TCF20: variants seen among roughly 807,000 people sequenced by gnomAD.
The protein encoded by TCF20 is transcription factor 20.
TCF20 carries 3 observed loss-of-function variants against 148.6 expected under a neutral mutation model. The ratio of observed to expected loss-of-function variants is 0.02; its 90% confidence interval spans 0.01 to 0.05. The LOEUF is 0.05. Ranked by LOEUF, TCF20 falls within the 10% of genes least tolerant of loss-of-function variation. TCF20 has a pLI of 1.00. For synonymous variants in TCF20, 1,049 were observed against 909.5 expected (o/e 1.15, Z -2.76); for missense variants, 2,350 against 2,429.3 (o/e 0.97, Z 0.69).
chr22:42,293,556 C>T (rs1158908064), intron 1 of TCF20, among the ~76,000 whole-genome samples: 1 of 152,188 alleles, frequency 6.6e-6, no homozygotes, highest in Admixed American at 6.5e-5. Flanking sequence ...CTCAGGTGTC[C>T]CTGCCTGACT....
chr22:42,235,410 C>T (rs184666419), intron 1 of TCF20, among the ~76,000 whole-genome samples: 1 of 152,282 alleles, frequency 6.6e-6, no homozygotes, highest in East Asian at 1.9e-4. Context: ...TCAACTGGTG[C>T]ACACCATCTC....
At chr22:42,233,261 A>G (rs1476674014) in intron 1 of TCF20, among the ~76,000 whole-genome samples, 1 of 152,102 alleles carries the variant, frequency 6.6e-6, no homozygotes, top group Admixed American at 6.6e-5. Flanking sequence ...TCTTAACTCT[A>G]TTATGCAGTA....
chr22:42,296,821 T>A (rs1307958102), intron 1 of TCF20, among the ~76,000 whole-genome samples: 1 of 152,222 alleles, frequency 6.6e-6, no homozygotes, highest in Non-Finnish European at 1.5e-5. Context: ...CGTCGCCATT[T>A]ATTCAGCTCA....
chr22:42,254,499 T>C (rs1925610417), intron 1 of TCF20, among the ~76,000 whole-genome samples: 1 of 152,170 alleles, frequency 6.6e-6, no homozygotes. Context: ...GTCCAGCCCT[T>C]GTAACAGTGT....
At position 42,169,867 on chromosome 22, in the gene TCF20, C is replaced by A; in HGVS notation, c.5779G>T (p.Val1927Leu). Residue 1927 changes from valine (V) to leucine (L), a missense_variant, in exon 4 of 6, where the codon GTG becomes TTG. Coordinates refer to ENST00000677622, the MANE Select transcript of TCF20 (RefSeq NM_001378418.1). ...DCLLHEENFS[V>L]RCPKHKPPLP... ...CTCACCTTGTGCTTAGGGCACCTCA[C>A]CGAGAAGTTCTCCTCATGTAGCAAA... The A allele has an allele frequency of 6.2e-7, 1 of 1,613,484 alleles. No homozygotes were observed. Among genetic ancestry groups the A allele is most frequent in the Non-Finnish European group, 8.5e-7 (1 of 1,180,014 alleles).
chr22:42,321,115 G>C (rs1357688462), intron 1 of TCF20, among the ~76,000 whole-genome samples: 1 of 152,276 alleles, frequency 6.6e-6, no homozygotes, highest in Non-Finnish European at 1.5e-5. Flanking sequence ...CAATTCAGGA[G>C]CAAGGGCTGG....
At chr22:42,183,811 C>T (rs1189303385) in intron 2 of TCF20, among the ~76,000 whole-genome samples, 6 of 148,030 alleles carry the variant, frequency 4.1e-5, no homozygotes, top group Admixed American at 1.4e-4. Context: ...TCGCTCTTGT[C>T]GCTCTGGAGT....
chr22:42,226,289 A>G (rs552893475), intron 1 of TCF20, among the ~76,000 whole-genome samples: 2 of 152,344 alleles, frequency 1.3e-5, no homozygotes, highest in Admixed American at 6.5e-5. Context: ...GTCATTGAAT[A>G]TATTTTTTCA....
chr22:42,162,228 C>T (rs963978805), intron 5 of TCF20, among the ~76,000 whole-genome samples: 3 of 152,068 alleles, frequency 2.0e-5, no homozygotes, highest in East Asian at 1.9e-4. Flanking sequence ...CTGCCCACCT[C>T]GGCCTCCCAA....
chr22:42,182,925 C>T lies in TCF20; in HGVS notation c.5656-3223G>A, dbSNP rs75302523. On this transcript the variant is annotated intron_variant, in intron 2 of 5. Transcript: ENST00000677622. Reference sequence around the variant, plus strand: ...CAACTTTTTGTTTTTTTACTAGAGACGGGGTTTCAACATGTTGGCCAGGCT... The same window carrying T: ...CAACTTTTTGTTTTTTTACTAGAGATGGGGTTTCAACATGTTGGCCAGGCT... 6.4e-3 allele frequency among the ~76,000 whole-genome samples: 970 copies of T among 152,238 alleles called. 15 individuals carry two copies. The highest frequency in any genetic ancestry group is 0.022 in the African/African-American group (928 of 41,542).
chr22:42,261,235 G>C (rs1926013339), intron 1 of TCF20, among the ~76,000 whole-genome samples: 1 of 151,724 alleles, frequency 6.6e-6, no homozygotes, highest in Non-Finnish European at 1.5e-5. Flanking sequence ...GTTATCTACT[G>C]TCTCGCTGAT....
chr22:42,248,772 A>G (rs556292754), intron 1 of TCF20, among the ~76,000 whole-genome samples: 8 of 152,358 alleles, frequency 5.3e-5, no homozygotes, highest in Admixed American at 2.0e-4. Context: ...TTGGTTGTAC[A>G]CAATAGTTAC....
At position 42,206,652 on chromosome 22, in the gene TCF20, G is replaced by A. The variant is rs144975479; in HGVS notation, c.5655+2999C>T. 7.0e-3 allele frequency among the ~76,000 whole-genome samples: 1,060 copies of A among 152,210 alleles called. 17 individuals are homozygous for A. The highest frequency in any genetic ancestry group is 0.012 in the Non-Finnish European group (841 of 67,998). ...TCTACCTCAAACTTGGAGTTTCACC[G>A]TGATGTTAATAATGGAGACAGGGAA... is the stretch of plus-strand genomic sequence containing the variant. On this transcript the variant is annotated intron_variant, in intron 2 of 5. Transcript: ENST00000677622.
At chr22:42,170,214 T>TG (rs937685033) in intron 3 of TCF20, among the ~76,000 whole-genome samples, 1 of 151,440 alleles carries the variant, frequency 6.6e-6, no homozygotes, top group African/African-American at 2.4e-5. Context: ...AAAAAAGACT[T>TG]GGGGCTGGGT....
In TCF20 at chr22:42,219,355, C is replaced by CAAAAAAAAA. The variant is rs528664836; in HGVS notation, c.-36-4023_-36-4015dup. ...ACCCTGGGTGACAGTAACCCTGTCT[C>CAAAAAAAAA]AAAAAAAAAAAAAAAAAAAAAAAAA... On this transcript the variant is annotated intron_variant, in intron 1 of 5. Coordinates refer to ENST00000677622, the MANE Select transcript of TCF20 (RefSeq NM_001378418.1). Among the ~76,000 whole-genome samples, 297 of 43,518 alleles carry CAAAAAAAAA rather than the reference C, an allele frequency of 6.8e-3. 52 individuals carry two copies. The highest frequency in any genetic ancestry group is 0.021 in the African/African-American group (214 of 10,150). 28.5% of individuals were successfully genotyped at this position (43,518 alleles called of 152,430 possible).
At chr22:42,198,489 T>A (rs1182937636) in intron 2 of TCF20, among the ~76,000 whole-genome samples, 1 of 152,196 alleles carries the variant, frequency 6.6e-6, no homozygotes, top group Non-Finnish European at 1.5e-5. Flanking sequence ...AATAGCACAG[T>A]ATTTGTATAT....
intron 1 of TCF20, among the ~76,000 whole-genome samples, chr22:42,230,685 TAGG>T (rs1322829579): frequency 1.3e-5 from 2 of 151,720 alleles, no homozygotes; most frequent in Non-Finnish European, 2.9e-5. Context: ...ACTGTTATCA[TAGG>T]AGATGATAGC....
intron 1 of TCF20, among the ~76,000 whole-genome samples, chr22:42,339,848 G>A (rs1009291245): frequency 6.6e-6 from 1 of 152,222 alleles, no homozygotes. Flanking sequence ...GCAGACTCAG[G>A]CCAGAACCTC....
At chr22:42,184,080 A>C (rs1201444010) in intron 2 of TCF20, among the ~76,000 whole-genome samples, 2 of 152,048 alleles carry the variant, frequency 1.3e-5, no homozygotes, top group African/African-American at 4.8e-5. Flanking sequence ...TAGGTTCTTT[A>C]ATGCAACAGA....
Sources: gnomAD v4.1 joint callset for allele counts (sites outside exome capture counted in the v4.1 genomes callset) on GRCh38, gnomAD v4.1.1 for gene constraint, MANE v1.5 for transcripts, NCBI Gene and HGNC (gene_info 2026-07-23, HGNC 2026-07-21) for gene names.